The following DMGDH variants were observed in gnomAD, a reference collection of about 807,000 sequenced individuals.
DMGDH encodes dimethylglycine dehydrogenase, mitochondrial.
In DMGDH, 76 loss-of-function variants were observed where a neutral mutation model predicts 95.2. That is an observed-to-expected ratio of 0.80 (90% confidence interval 0.66 to 0.97). The LOEUF (loss-of-function observed/expected upper bound fraction) is 0.97. Ranked by LOEUF, DMGDH falls within the 50% of genes least tolerant of loss-of-function variation. The pLI, the probability that DMGDH is intolerant of heterozygous loss-of-function variation, is 0.00. For synonymous variants in DMGDH, 345 were observed against 377.6 expected (o/e 0.91, Z 1.00); for missense variants, 987 against 1,055.0 (o/e 0.94, Z 0.89).
intron 2 of DMGDH, among the ~76,000 whole-genome samples, chr5:79,060,984 G>A (rs1278963696): frequency 6.6e-6 from 1 of 151,784 alleles, no homozygotes; most frequent in African/African-American, 2.4e-5. Flanking sequence ...CACTTTGGGA[G>A]GCTTAAGTGG....
intron 11 of DMGDH, among the ~76,000 whole-genome samples, chr5:79,029,257 A>G (rs1190896283): frequency 6.6e-6 from 1 of 152,234 alleles, no homozygotes; most frequent in Admixed American, 6.5e-5. Context: ...TGGTCCCAGT[A>G]CATCTTGGAT....
chr5:79,020,520 C>T, intron 14 of DMGDH: 1 of 261,336 alleles, frequency 3.8e-6, no homozygotes, highest in Non-Finnish European at 5.9e-6. Flanking sequence ...TACTGAACAC[C>T]TGGGGTGTGG....
intron 15 of DMGDH, among the ~76,000 whole-genome samples, chr5:79,002,955 A>C (rs1332828329): frequency 6.6e-6 from 1 of 152,254 alleles, no homozygotes; most frequent in East Asian, 1.9e-4. Flanking sequence ...TATAGCATGT[A>C]AATGCAGTAT....
intron 6 of DMGDH, 115 bp from the exon 7 acceptor site, chr5:79,042,596 G>T: frequency 1.0e-6 from 1 of 956,078 alleles, no homozygotes; most frequent in Non-Finnish European, 1.7e-6. Flanking sequence ...GGAAAGTACT[G>T]CCATTTTTTG....
intron 5 of DMGDH, among the ~76,000 whole-genome samples, chr5:79,047,394 G>A (rs1260814946): frequency 6.6e-6 from 1 of 152,072 alleles, no homozygotes; most frequent in Non-Finnish European, 1.5e-5. Context: ...AGAGTATCAG[G>A]CAAAATTAAG....
At chr5:79,011,928 G>C (rs189935253) in intron 14 of DMGDH, among the ~76,000 whole-genome samples, 2 of 152,126 alleles carry the variant, frequency 1.3e-5, no homozygotes, top group Admixed American at 1.3e-4. Context: ...GATTTGGTGG[G>C]GAAACAGATA....
intron 2 of DMGDH, among the ~76,000 whole-genome samples, chr5:79,057,352 A>T (rs1463717403): frequency 1.3e-5 from 2 of 152,218 alleles, no homozygotes; most frequent in Non-Finnish European, 2.9e-5. Flanking sequence ...ATCTGTTCAC[A>T]GTAAAATCTA....
At position 79,044,481 on chromosome 5, in the gene DMGDH, CAT is replaced by C. The variant is rs746599965; in HGVS notation, c.815_816del (p.Tyr272CysfsTer8). On this transcript the variant is annotated frameshift_variant, in exon 6 of 16. Transcript: ENST00000255189. LOFTEE classifies it high-confidence loss of function. ...EHPLIPVQHQ[Y>X]VVTSTISEVK... The stretch of plus-strand genomic sequence containing the variant: ...ACTTCAGATATAGTCGATGTAACAA[CAT>C]ATTGATGTTGAACCGGAATGAGAGG... 3.7e-6 allele frequency: 6 copies of C among 1,614,016 alleles called. No homozygotes were observed. The highest frequency in any genetic ancestry group is 1.7e-5 in the Admixed American group (1 of 60,002).
chr5:79,005,902 T>C (rs1300574313), intron 14 of DMGDH, among the ~76,000 whole-genome samples: 1 of 152,168 alleles, frequency 6.6e-6, no homozygotes, highest in Admixed American at 6.5e-5. Flanking sequence ...TATTTACCTA[T>C]TGGATTGCAT....
In DMGDH at chr5:79,044,321, G is replaced by A. The variant is rs1289740498; in HGVS notation, c.977C>T (p.Thr326Ile). 5 of 1,614,160 alleles carry A rather than the reference G, an allele frequency of 3.1e-6. No individual in the cohort carries two copies. Among genetic ancestry groups the A allele is most frequent in the Non-Finnish European group, 4.2e-6 (5 of 1,180,024 alleles). ...EKMKVQDSWV[T>I]NGVPPGFGKE... ...GAACCCACCTGGAGGAACTCCATTG[G>A]TGACCCAGGAGTCCTGAACTTTCAT... The change falls in exon 6 of 16, where the codon ACC becomes ATC. Residue 326 changes from threonine to isoleucine, a missense_variant. Transcript: ENST00000255189.
chr5:79,050,263 AAAAAAAAAAAATATATAT>A (rs1330448361), intron 5 of DMGDH, among the ~76,000 whole-genome samples: 4,999 of 70,940 alleles, frequency 0.07, 202 homozygotes, highest in East Asian at 0.16. Flanking sequence ...AAAAAAAAAA[AAAAAAAAAAAATATATAT>A]ATATATATAT....
At chr5:79,041,938 CG>C in intron 7 of DMGDH, among the ~76,000 whole-genome samples, 1 of 152,070 alleles carries the variant, frequency 6.6e-6, no homozygotes, top group Admixed American at 6.5e-5. Flanking sequence ...AGGCAGAAGT[CG>C]CAGTGAGTCA....
At chr5:78,999,209 C>T (rs1015973374) in intron 15 of DMGDH, among the ~76,000 whole-genome samples, 3 of 152,222 alleles carry the variant, frequency 2.0e-5, no homozygotes, top group African/African-American at 7.2e-5. Context: ...TATAGCACTT[C>T]TAGTATTTTA....
At position 79,051,341 on chromosome 5, in the gene DMGDH, C is replaced by T. The variant is rs1013979134; in HGVS notation, c.691G>A (p.Asp231Asn). 1.2e-6 allele frequency: 2 copies of T among 1,614,158 alleles called. No individual in the cohort carries two copies. The highest frequency in any genetic ancestry group is 1.3e-5 in the African/African-American group (1 of 75,028). The change falls in exon 5 of 16, where the codon GAC becomes AAC. Residue 231 changes from aspartate to asparagine, a missense_variant. By Grantham distance (23) the Asp-to-Asn change is conservative. Transcript: ENST00000255189. ...SLKARSDGTW[D>N]VETPQGSMRA... ...ATAGACCCCTGTGGTGTTTCAACGT[C>T]CCATGTTCCATCTGACCTGGCTTTC...
intron 5 of DMGDH, among the ~76,000 whole-genome samples, chr5:79,046,244 G>A (rs931914903): frequency 6.6e-6 from 1 of 152,012 alleles, no homozygotes; most frequent in East Asian, 1.9e-4. Flanking sequence ...CCGCCGCCAT[G>A]CCCAACTAAT....
chr5:79,058,166 T>C (rs1429642289), intron 2 of DMGDH, among the ~76,000 whole-genome samples: 2 of 152,254 alleles, frequency 1.3e-5, no homozygotes, highest in Admixed American at 1.3e-4. Flanking sequence ...TTTTCCTTGC[T>C]GCTACGATAG....
chr5:79,041,387 T>C (rs1356219413), intron 7 of DMGDH, among the ~76,000 whole-genome samples: 1 of 152,200 alleles, frequency 6.6e-6, no homozygotes, highest in Non-Finnish European at 1.5e-5. Context: ...GAAGATGTGA[T>C]ATGATAGTTG....
At chr5:79,049,219 G>T (rs990088935) in intron 5 of DMGDH, among the ~76,000 whole-genome samples, 1 of 152,136 alleles carries the variant, frequency 6.6e-6, no homozygotes, top group Admixed American at 6.5e-5. Context: ...GATCTCTTTG[G>T]AGATCATTCT....
rs764395535 is a variant in DMGDH at position 79,028,545 on chromosome 5, G to A, written c.1920C>T (p.Val640=). ...GATCTTCAGAGGTCAGTTTCTGAAG[G>A]ACCTTTCTTGCCTGTGGCCCAGCAA... ...LGVAGPQARK[V]LQKLTSEDLS... is the part of the protein sequence containing the mutation. Residue 640 remains valine (V), a synonymous_variant, in exon 12 of 16, where the codon GTC becomes GTT. Transcript: ENST00000255189. The A allele has an allele frequency of 6.2e-7, 1 of 1,614,044 alleles. No individual in the cohort carries two copies. Among genetic ancestry groups the A allele is most frequent in the Non-Finnish European group, 8.5e-7 (1 of 1,179,988 alleles).
Sources: gnomAD v4.1 joint callset for allele counts (sites outside exome capture counted in the v4.1 genomes callset) on GRCh38, gnomAD v4.1.1 for gene constraint, MANE v1.5 for transcripts, NCBI Gene and HGNC (gene_info 2026-07-23, HGNC 2026-07-21) for gene names.